GRIN1: variants seen among roughly 807,000 people sequenced by gnomAD.
GRIN1 encodes the protein glutamate receptor ionotropic, NMDA 1.
GRIN1 carries 38 observed loss-of-function variants against 103.0 expected under a neutral mutation model. That is an observed-to-expected ratio of 0.37 (90% confidence interval 0.28 to 0.48). The LOEUF (loss-of-function observed/expected upper bound fraction) is 0.48. Ranked by LOEUF, GRIN1 falls within the 20% of genes least tolerant of loss-of-function variation. The pLI, the probability that GRIN1 is intolerant of heterozygous loss-of-function variation, is 0.98. For synonymous variants in GRIN1, 544 were observed against 532.7 expected, an observed-to-expected ratio of 1.02 and a Z score of -0.29; for missense variants, 577 against 1,288.9, an observed-to-expected ratio of 0.45 and a Z score of 8.46.
intron 19 of GRIN1, among the ~76,000 whole-genome samples, chr9:137,166,026 G>A (rs1360290346): frequency 6.6e-6 from 1 of 152,200 alleles, no homozygotes; most frequent in Non-Finnish European, 1.5e-5. Context: ...CCCAGGCTGA[G>A]CGGGGGCCCT....
Position 137,163,625 on chromosome 9 carries a change from G to A in GRIN1, c.2400G>A (p.Ser800=), listed in dbSNP as rs749395593. Residue 800 remains serine (S), a synonymous_variant, in exon 17 of 20, where the codon TCG becomes TCA. Transcript: ENST00000371561. ...KTWVRYQECD[S]RSNAPATLTF... ...GGGTTCGGTATCAGGAATGTGACTCGCGCAGCAACGCCCCTGCGACCCTTA... is the reference window on the plus strand; with the variant it reads ...GGGTTCGGTATCAGGAATGTGACTCACGCAGCAACGCCCCTGCGACCCTTA... 3 of 1,613,616 alleles carry A rather than the reference G, an allele frequency of 1.9e-6. No individual in the cohort carries two copies. Among genetic ancestry groups the A allele is most frequent in the African/African-American group, 1.3e-5 (1 of 75,038 alleles).
At chr9:137,166,006 T>C (rs1218761195) in intron 19 of GRIN1, among the ~76,000 whole-genome samples, 1 of 151,782 alleles carries the variant, frequency 6.6e-6, no homozygotes, top group Non-Finnish European at 1.5e-5. Flanking sequence ...CCAAAAGGGG[T>C]GGCTCCCACC....
At position 137,149,044 on chromosome 9, in the gene GRIN1, G is replaced by A; in HGVS notation, c.606G>A (p.Lys202=). Reference sequence around the variant, plus strand: ...TGCTGCAGTTTGACCCAGGGACCAAGAACGTGACGGCCCTGCTGATGGAGG... The same window carrying A: ...TGCTGCAGTTTGACCCAGGGACCAAAAACGTGACGGCCCTGCTGATGGAGG... ...EKVLQFDPGT[K]NVTALLMEAK... Residue 202 remains lysine (K), a synonymous_variant, in exon 4 of 20, where the codon AAG becomes AAA. Transcript: ENST00000371561. The A allele has an allele frequency of 6.2e-7, 1 of 1,613,762 alleles. No individual in the cohort carries two copies. The highest frequency in any genetic ancestry group is 8.5e-7 in the Non-Finnish European group (1 of 1,179,782).
At chr9:137,152,437 G>A (rs750943819) in intron 4 of GRIN1, among the ~76,000 whole-genome samples, 1 of 152,162 alleles carries the variant, frequency 6.6e-6, no homozygotes, top group Non-Finnish European at 1.5e-5. Flanking sequence ...CAATAGACAA[G>A]TTCACATCAA....
chr9:137,150,939 CCCCACCCAGAAAAAGA>C (rs1832838547), intron 4 of GRIN1, among the ~76,000 whole-genome samples: 1 of 143,056 alleles, frequency 7.0e-6, no homozygotes, highest in African/African-American at 2.6e-5. Context: ...CCAGGGAAAG[CCCCACCCAGAAAAAGA>C]CCCGCCCAGG....
rs1832068133 is a variant in GRIN1, at chr9:137,139,856, C to T, written c.258+112C>T. On this transcript the variant is annotated intron_variant, in intron 1 of 19. Transcript: ENST00000371561. The surrounding 1 kb of genome is among the most constrained non-coding windows in gnomAD (Gnocchi z 7.7). ...CCCCTTCCTCCCTGTAAGACACCACCCCAGAGTCAGCTGGCTGCTTCCGGG... is the reference window on the plus strand; with the variant it reads ...CCCCTTCCTCCCTGTAAGACACCACTCCAGAGTCAGCTGGCTGCTTCCGGG... 2 of 865,302 alleles carry T rather than the reference C, an allele frequency of 2.3e-6. No individual in the cohort carries two copies. Among genetic ancestry groups the T allele is most frequent in the Admixed American group, 1.9e-5 (1 of 53,478 alleles). The allele number at this position is 865,302 out of a possible 1,614,324, so 53.6% of individuals were successfully genotyped here. A position where few individuals can be genotyped will look rare whatever the true frequency, so the allele number is the denominator to read the frequency against.
In GRIN1 at chr9:137,163,297, C is replaced by T. The variant is rs769822254; in HGVS notation, c.2300C>T (p.Pro767Leu). 2 of 1,613,726 alleles carry T rather than the reference C, an allele frequency of 1.2e-6. No homozygotes were observed. The highest frequency in any genetic ancestry group is 1.7e-6 in the Non-Finnish European group (2 of 1,179,938). The change falls in exon 16 of 20, where the codon CCC becomes CTC. Residue 767 changes from proline to leucine, a missense_variant. Transcript: ENST00000371561. ...GGCATAGGCATGCGCAAAGACAGCC[C>T]CTGGAAGCAGAACGTCTCCCTGTCC... The part of the protein sequence containing the change: ...GFGIGMRKDS[P>L]WKQNVSLSIL...
intron 1 of GRIN1, among the ~76,000 whole-genome samples, chr9:137,140,782 G>A (rs1320965744): frequency 2.0e-5 from 3 of 152,232 alleles, no homozygotes; most frequent in Non-Finnish European, 4.4e-5. Flanking sequence ...ACGGACCTAC[G>A]GGTCTTTGCC....
At chr9:137,145,940 C>T (rs757639101) in intron 3 of GRIN1, 38 bp downstream of exon 3, 20 of 1,499,982 alleles carry the variant, frequency 1.3e-5, no homozygotes, top group African/African-American at 2.8e-5. Context: ...CTGGCGGAGC[C>T]GAGGTGCAGG....
intron 18 of GRIN1, chr9:137,164,973 C>T: frequency 1.8e-6 from 1 of 567,056 alleles, no homozygotes; most frequent in South Asian, 1.9e-5. Flanking sequence ...CAAGCCCAGC[C>T]CCAGCACGAG....
intron 8 of GRIN1, 117 bp from the exon 9 acceptor site, chr9:137,160,939 T>A (rs1833502688): frequency 7.7e-7 from 1 of 1,292,230 alleles, no homozygotes; most frequent in African/African-American, 1.5e-5. Context: ...GCGGGGGGTG[T>A]GAGGGGTGCG....
At position 137,141,624 on chromosome 9, in the gene GRIN1, T is replaced by C. The variant is rs866800000; in HGVS notation, c.259-389T>C. 5.3e-5 allele frequency among the ~76,000 whole-genome samples: 8 copies of C among 152,152 alleles called. No individual in the cohort carries two copies. In the South Asian group the frequency reaches 1.7e-3, roughly 31 times the overall value. ...TCGGGATGTGGGCTGGCCCCACCCC[T>C]GGCCCATCAGGAAGGACGGGTGGGT... On this transcript the variant is annotated intron_variant, in intron 1 of 19. Coordinates refer to ENST00000371561, the MANE Select transcript of GRIN1 (RefSeq NM_007327.4).
intron 16 of GRIN1, 49 bp downstream of exon 16, chr9:137,163,379 G>T (rs201898111): frequency 6.2e-7 from 1 of 1,601,160 alleles, no homozygotes; most frequent in Non-Finnish European, 8.5e-7. Context: ...TCCGCCAGAG[G>T]TGGACGCCCT....
intron 4 of GRIN1, among the ~76,000 whole-genome samples, chr9:137,153,927 T>C (rs1833059221): frequency 6.6e-6 from 1 of 152,032 alleles, no homozygotes; most frequent in African/African-American, 2.4e-5. Flanking sequence ...TTCTCCTGCC[T>C]CAGCCTCCTG....
intron 4 of GRIN1, among the ~76,000 whole-genome samples, chr9:137,154,601 G>C (rs1833112280): frequency 6.6e-6 from 1 of 151,436 alleles, no homozygotes; most frequent in Non-Finnish European, 1.5e-5. Context: ...TTACAGGCAT[G>C]CGCCACCACC....
At chr9:137,145,923 T>C (rs765398512) in intron 3 of GRIN1, 21 bp downstream of exon 3, 1 of 1,567,652 alleles carries the variant, frequency 6.4e-7, no homozygotes, top group Non-Finnish European at 8.7e-7. Flanking sequence ...GCGCCGCGGG[T>C]GGGCGCCTGG....
At position 137,146,424 on chromosome 9, in the gene GRIN1, A is replaced by C. The variant is rs531957631; in HGVS notation, c.570+522A>C. Among the ~76,000 whole-genome samples the C allele has an allele frequency of 6.6e-6, 1 of 151,790 alleles. No homozygotes were observed. Among genetic ancestry groups the C allele is most frequent in the African/African-American group, 2.4e-5 (1 of 41,332 alleles). ...TGGCTCAGCAAAGCCCTGTCCACAGACACCTGCCCCCCAGCCTGGACCGCC... is the reference window on the plus strand; with the variant it reads ...TGGCTCAGCAAAGCCCTGTCCACAGCCACCTGCCCCCCAGCCTGGACCGCC... On this transcript the variant is annotated intron_variant, in intron 3 of 19. Transcript: ENST00000371561. This position sits in a 1 kb window ranked among gnomAD's most constrained non-coding sequence, Gnocchi z 6.7.
intron 8 of GRIN1, among the ~76,000 whole-genome samples, chr9:137,160,584 C>T (rs1833478500): frequency 6.6e-6 from 1 of 152,194 alleles, no homozygotes; most frequent in African/African-American, 2.4e-5. Flanking sequence ...TGCCCACCAC[C>T]ACGCCCGGCT....
At chr9:137,150,611 A>G (rs1458733704) in intron 4 of GRIN1, among the ~76,000 whole-genome samples, 1 of 145,370 alleles carries the variant, frequency 6.9e-6, no homozygotes, top group African/African-American at 2.6e-5. Context: ...GCCCAGATAA[A>G]AGCCCGCCCA....
Sources: allele counts gnomAD v4.1 joint callset (sites outside exome capture counted in the v4.1 genomes callset), GRCh38; gene constraint gnomAD v4.1.1; non-coding constraint Gnocchi (gnomAD v3.1); transcripts MANE v1.5; gene names NCBI Gene and HGNC (gene_info 2026-07-23, HGNC 2026-07-21).